ABCC1: variants seen among roughly 807,000 people sequenced by gnomAD.
The protein encoded by ABCC1 is ATP binding cassette subfamily C member 1 (ABCC1 blood group), also known as multidrug resistance-associated protein 1.
Under a neutral mutation model 172.9 loss-of-function variants are expected in ABCC1, and 83 were observed. That is an observed-to-expected ratio of 0.48 (90% CI 0.40 to 0.58). ABCC1 has a LOEUF of 0.58. Ranked by LOEUF, ABCC1 falls within the 20% of genes least tolerant of loss-of-function variation. The pLI is 0.00. For missense variants in ABCC1, 1,817 were observed against 2,002.7 expected, an observed-to-expected ratio of 0.91 and a Z score of 1.77; for synonymous variants, 937 against 825.2, an observed-to-expected ratio of 1.14 and a Z score of -2.32.
At chr16:15,989,732 GTCTCTGTGTTCC>G (rs926534004) in intron 1 of ABCC1, among the ~76,000 whole-genome samples, 5 of 152,106 alleles carry the variant, frequency 3.3e-5, no homozygotes, top group Non-Finnish European at 7.4e-5. Context: ...TCACCTGTTT[GTCTCTGTGTTCC>G]TCTCTGTAAA....
intron 1 of ABCC1, among the ~76,000 whole-genome samples, chr16:16,005,117 G>T (rs181910235): frequency 6.7e-6 from 1 of 150,016 alleles, no homozygotes; most frequent in Non-Finnish European, 1.5e-5. Flanking sequence ...AGCTGTAAGG[G>T]TCTGGGTTCC....
At chr16:16,126,032 C>A in intron 26 of ABCC1, 121 bp downstream of exon 26, 1 of 609,374 alleles carries the variant, frequency 1.6e-6, no homozygotes, top group Non-Finnish European at 2.8e-6. Context: ...GGTAGAAGTG[C>A]ATCTTAACGC....
intron 5 of ABCC1, among the ~76,000 whole-genome samples, chr16:16,017,940 G>A (rs1223647691): frequency 6.6e-6 from 1 of 152,176 alleles, no homozygotes; most frequent in African/African-American, 2.4e-5. Context: ...AGCAAGAAAA[G>A]CCAGCACAGC....
chr16:16,125,058 A>C, intron 25 of ABCC1, 143 bp downstream of exon 25: 2 of 1,202,450 alleles, frequency 1.7e-6, no homozygotes, highest in South Asian at 2.9e-5. Flanking sequence ...ACAGTGCCAC[A>C]GTGCCTGGTG....
At chr16:16,043,902 A>G (rs993051215) in intron 7 of ABCC1, among the ~76,000 whole-genome samples, 4 of 152,174 alleles carry the variant, frequency 2.6e-5, no homozygotes, top group African/African-American at 4.8e-5. Flanking sequence ...ACTCCTGGCC[A>G]TGATTGTTAT....
At chr16:16,091,762 A>G (rs1034264836) in intron 19 of ABCC1, among the ~76,000 whole-genome samples, 11 of 152,202 alleles carry the variant, frequency 7.2e-5, no homozygotes, top group African/African-American at 2.7e-4. Context: ...GTTTTGGTCT[A>G]ACTGCCCTGG....
chr16:16,110,777 A>C (rs1260807254), intron 21 of ABCC1, among the ~76,000 whole-genome samples: 1 of 152,006 alleles, frequency 6.6e-6, no homozygotes, highest in Non-Finnish European at 1.5e-5. Context: ...CTGATTTTAT[A>C]CTCACGTGGA....
chr16:15,963,747 C>T (rs2046187858), intron 1 of ABCC1, among the ~76,000 whole-genome samples: 2 of 152,138 alleles, frequency 1.3e-5, no homozygotes, highest in African/African-American at 4.8e-5. Flanking sequence ...GGCCCTGGAC[C>T]CAGCCCAGGA....
upstream of ABCC1, among the ~76,000 whole-genome samples, chr16:15,949,262 TAGGG>T (rs1362010778): frequency 8.5e-6 from 1 of 117,528 alleles, no homozygotes; most frequent in Non-Finnish European, 1.9e-5. Flanking sequence ...TCCAGGCAGG[TAGGG>T]GGCTCCGTTC....
At chr16:16,138,653 A>G in intron 30 of ABCC1, 95 bp downstream of exon 30, 2 of 1,024,142 alleles carry the variant, frequency 2.0e-6, no homozygotes, top group South Asian at 2.6e-5. Flanking sequence ...CACTGTCCTT[A>G]TCCCTAGTGA....
chr16:16,086,680 G>T, intron 17 of ABCC1, 144 bp from the exon 18 acceptor site: 2 of 805,782 alleles, frequency 2.5e-6, no homozygotes, highest in Non-Finnish European at 2.0e-6. Context: ...TATTGCTCAG[G>T]CTGGTCTCAA....
At chr16:15,972,587 C>G (rs572659390) in intron 1 of ABCC1, among the ~76,000 whole-genome samples, 1 of 152,164 alleles carries the variant, frequency 6.6e-6, no homozygotes, top group South Asian at 2.1e-4. Context: ...AAGTCCAAGC[C>G]TTCTTCAAAG....
chr16:16,076,252 A>C, intron 14 of ABCC1, 74 bp from the exon 15 acceptor site: 1 of 1,443,936 alleles, frequency 6.9e-7, no homozygotes, highest in Non-Finnish European at 9.6e-7. Context: ...CCATTCAAGC[A>C]GAGAAAGAGA....
chr16:16,094,881 G>C (rs35869759), intron 19 of ABCC1, among the ~76,000 whole-genome samples: 5 of 143,822 alleles, frequency 3.5e-5, no homozygotes, highest in Admixed American at 2.9e-4. Context: ...GTAGTGGCAC[G>C]ATCTTGGCTC....
intron 12 of ABCC1, among the ~76,000 whole-genome samples, chr16:16,061,819 G>C (rs2049930797): frequency 7.6e-6 from 1 of 131,384 alleles, no homozygotes; most frequent in African/African-American, 3.0e-5. Context: ...TGCCGCCCAA[G>C]CTGGAGTGCA....
chr16:16,129,979 C>T (rs1411226836), intron 26 of ABCC1, among the ~76,000 whole-genome samples: 1 of 152,258 alleles, frequency 6.6e-6, no homozygotes, highest in African/African-American at 2.4e-5. Context: ...TGTGTGTGCC[C>T]TGGACGGGGA....
chr16:16,045,558 C>T (rs914290285), intron 8 of ABCC1, among the ~76,000 whole-genome samples: 5 of 152,214 alleles, frequency 3.3e-5, no homozygotes, highest in African/African-American at 4.8e-5. Flanking sequence ...CTCTTTACCT[C>T]GTGTTCCCTA....
At chr16:16,022,164 C>CCT (rs2048216782) in intron 5 of ABCC1, among the ~76,000 whole-genome samples, 1 of 152,166 alleles carries the variant, frequency 6.6e-6, no homozygotes, top group Non-Finnish European at 1.5e-5. Context: ...TCAGGCAGGG[C>CCT]GTGGGTGGGA....
intron 26 of ABCC1, among the ~76,000 whole-genome samples, chr16:16,127,018 A>C (rs1479945337): frequency 2.0e-5 from 3 of 152,102 alleles, no homozygotes; most frequent in African/African-American, 7.2e-5. Flanking sequence ...CCAGTCTTTG[A>C]TGTTGCGTTG....
Sources: gnomAD v4.1 joint callset for allele counts (sites outside exome capture counted in the v4.1 genomes callset) on GRCh38, gnomAD v4.1.1 for gene constraint, MANE v1.5 for transcripts, NCBI Gene and HGNC (gene_info 2026-07-23, HGNC 2026-07-21) for gene names.